GLB1: variants seen among roughly 807,000 people sequenced by gnomAD.
The protein encoded by GLB1 is galactosidase beta 1.
In GLB1, 56 loss-of-function variants were observed where a neutral mutation model predicts 74.0. That is an observed-to-expected ratio of 0.76 (90% CI 0.61 to 0.94). GLB1 has a LOEUF of 0.94. GLB1 is among the 40% of genes least tolerant of loss of function. The probability of loss-of-function intolerance (pLI) is 0.00; values close to 1 mark genes in which losing one functional copy is unlikely to be tolerated. For synonymous variants in GLB1, 323 were observed against 323.6 expected (o/e 1.00, Z 0.02); for missense variants, 787 against 845.5 (o/e 0.93, Z 0.86).
At chr3:33,069,098 A>T in intron 2 of GLB1, 128 bp from the exon 3 acceptor site, 1 of 1,510,548 alleles carries the variant, frequency 6.6e-7, no homozygotes, top group Non-Finnish European at 9.0e-7. Context: ...TTGAAAGAAA[A>T]ATTATCCAAG....
the GLB1 span, among the ~76,000 whole-genome samples, chr3:32,965,445 T>C: frequency 2.6e-5 from 4 of 152,064 alleles, no homozygotes; most frequent in African/African-American, 9.7e-5. Context: ...GGCCTAGAGA[T>C]CTATGGAACA....
intron 1 of GLB1, chr3:33,091,189 AAAG>A: frequency 1.0e-6 from 1 of 985,454 alleles, no homozygotes; most frequent in Non-Finnish European, 1.2e-6. Flanking sequence ...AAGAGAGAAA[AAAG>A]AATAAGGAAA....
In GLB1 at chr3:33,057,026, T is replaced by C. The variant is rs974280955; in HGVS notation, c.733+1063A>G. On this transcript the variant is annotated intron_variant, in intron 6 of 15. Coordinates refer to ENST00000307363, the MANE Select transcript of GLB1 (RefSeq NM_000404.4). ...CCCCACCAAATCTCATGTCGAACTA[T>C]AATCCCCAGTGTTGGAGGTAGGGCC... 3.5e-4 allele frequency among the ~76,000 whole-genome samples: 53 copies of C among 152,222 alleles called. 1 individual carries two copies. The highest frequency in any genetic ancestry group is 3.5e-3 in the Admixed American group (53 of 15,278).
At chr3:33,080,121 G>C (rs1448922614) in intron 1 of GLB1, among the ~76,000 whole-genome samples, 1 of 150,528 alleles carries the variant, frequency 6.6e-6, no homozygotes, top group African/African-American at 2.4e-5. Flanking sequence ...TTTGTTTTTT[G>C]AGATGGAGTT....
rs377174858 is a variant in GLB1 at position 33,053,498 on chromosome 3, C to G, written c.785G>C (p.Gly262Ala). 1.2e-6 allele frequency: 2 copies of G among 1,614,060 alleles called. No individual in the cohort carries two copies. Among genetic ancestry groups the G allele is most frequent in the African/African-American group, 2.7e-5 (2 of 74,930 alleles). Residue 262 changes from glycine to alanine, a missense_variant, in exon 7 of 16, where the codon GGA (glycine) becomes GCA (alanine). Transcript: ENST00000307363. ...CTCACCCTCGATTCTTACCAAGGGTCCTTTGGGCTCACACTTCCTCTGGCT... is the reference window on the plus strand; with the variant it reads ...CTCACCCTCGATTCTTACCAAGGGTGCTTTGGGCTCACACTTCCTCTGGCT... ...FLSQRKCEPK[G>A]PLINSEFYTG...
intron 9 of GLB1, among the ~76,000 whole-genome samples, chr3:33,047,295 T>C (rs1369093867): frequency 6.6e-6 from 1 of 152,192 alleles, no homozygotes; most frequent in African/African-American, 2.4e-5. Context: ...ATCCCGACCT[T>C]GTCAGGGATG....
intron 10 of GLB1, among the ~76,000 whole-genome samples, chr3:33,032,065 T>C (rs1454736255): frequency 6.6e-6 from 1 of 152,160 alleles, no homozygotes; most frequent in African/African-American, 2.4e-5. Context: ...CCCAAAGTGC[T>C]GGGATTACAC....
the GLB1 span, among the ~76,000 whole-genome samples, chr3:32,964,304 A>G: frequency 6.6e-6 from 1 of 152,166 alleles, no homozygotes; most frequent in African/African-American, 2.4e-5. Flanking sequence ...GTTCACATGG[A>G]GCATTGTGTG....
Position 33,093,278 on chromosome 3 carries a change from C to T in GLB1, c.75+3733G>A, listed in dbSNP as rs1700850150. On this transcript the variant is annotated intron_variant, in intron 1 of 15. Coordinates refer to ENST00000307363, the MANE Select transcript of GLB1 (RefSeq NM_000404.4). The surrounding 1 kb of genome is among the most constrained non-coding windows in gnomAD (Gnocchi z 6.0). ...CACGTTGGGCCCGTGTGGCGGAAAT[C>T]TTCACGTTCTCATTATGAAGAGGCT... The T allele has an allele frequency of 1.2e-6, 2 of 1,614,066 alleles. No individual in the cohort carries two copies. Among genetic ancestry groups the T allele is most frequent in the African/African-American group, 1.3e-5 (1 of 74,926 alleles).
intron 10 of GLB1, among the ~76,000 whole-genome samples, chr3:33,040,537 G>A (rs887452692): frequency 9.2e-5 from 14 of 152,060 alleles, no homozygotes; most frequent in African/African-American, 2.2e-4. Context: ...ACTTGAGCCC[G>A]GGAGGTTGAG....
At chr3:33,058,734 A>C (rs1290679938) in intron 5 of GLB1, among the ~76,000 whole-genome samples, 1 of 152,248 alleles carries the variant, frequency 6.6e-6, no homozygotes, top group Non-Finnish European at 1.5e-5. Flanking sequence ...AAATATACGC[A>C]AATAATATAC....
chr3:33,049,236 T>G (rs1698872712), intron 9 of GLB1, among the ~76,000 whole-genome samples: 1 of 152,168 alleles, frequency 6.6e-6, no homozygotes, highest in African/African-American at 2.4e-5. Context: ...CTGTTTCTCA[T>G]AAGATGAACA....
chr3:33,056,989 T>C (rs1224553149), intron 6 of GLB1, among the ~76,000 whole-genome samples: 1 of 152,204 alleles, frequency 6.6e-6, no homozygotes, highest in Non-Finnish European at 1.5e-5. Context: ...TGGATCTGTG[T>C]TAGATCTGTG....
chr3:32,993,316 G>A (rs892137010), downstream of GLB1, among the ~76,000 whole-genome samples: 1 of 152,084 alleles, frequency 6.6e-6, no homozygotes. Flanking sequence ...GAGAAGGGAA[G>A]AGAGAGGACA....
rs192082945 is a variant in GLB1, at chr3:33,049,378, T to C, written c.955+2380A>G. Among the ~76,000 whole-genome samples, 718 of 152,284 alleles carry C rather than the reference T, an allele frequency of 4.7e-3. 16 individuals are homozygous for C. The highest frequency in any genetic ancestry group is 4.6e-3 in the Non-Finnish European group (315 of 68,024). Reference sequence around the variant, plus strand: ...TTGTTACATAGGTAAACGTGTGCCATGGTGGTTTGCCACACCTATCAACTG... The same window carrying C: ...TTGTTACATAGGTAAACGTGTGCCACGGTGGTTTGCCACACCTATCAACTG... On this transcript the variant is annotated intron_variant, in intron 9 of 15. Transcript: ENST00000307363.
chr3:33,083,870 T>G (rs998849177), intron 1 of GLB1, among the ~76,000 whole-genome samples: 1 of 152,296 alleles, frequency 6.6e-6, no homozygotes, highest in South Asian at 2.1e-4. Flanking sequence ...TAACACAATA[T>G]TGACATCATC....
chr3:33,096,789 A>T lies in GLB1; in HGVS notation c.75+222T>A, dbSNP rs1481293603. 3.7e-6 allele frequency: 5 copies of T among 1,343,640 alleles called. No individual in the cohort carries two copies. In the South Asian group the frequency reaches 9.2e-5, roughly 25 times the overall value. The allele number at this position is 1,343,640 out of a possible 1,614,324, so 83.2% of individuals were successfully genotyped here. On this transcript the variant is annotated intron_variant, in intron 1 of 15. Transcript: ENST00000307363. ...AAAGGGCGGCCGGAGCGGAACGCAC[A>T]AGCGACCGAGCTGCCTGGAAGGACG... is the stretch of plus-strand genomic sequence containing the variant.
At chr3:33,030,223 G>C (rs1697948603) in intron 10 of GLB1, 1 of 152,368 alleles carries the variant, frequency 6.6e-6, no homozygotes, top group South Asian at 2.1e-4. Context: ...GAAAGATGAG[G>C]CTGGAAAAAT....
At chr3:32,995,899 TAAGA>T (rs1696300626), downstream of GLB1, among the ~76,000 whole-genome samples, 1 of 150,354 alleles carries the variant, frequency 6.7e-6, no homozygotes, top group Non-Finnish European at 1.5e-5. Context: ...AAAATACAGA[TAAGA>T]AAAAGCAAGC....
Sources: allele counts gnomAD v4.1 joint callset (sites outside exome capture counted in the v4.1 genomes callset), GRCh38; gene constraint gnomAD v4.1.1; non-coding constraint Gnocchi (gnomAD v3.1); transcripts MANE v1.5; gene names NCBI Gene and HGNC (gene_info 2026-07-23, HGNC 2026-07-21).